Variants in ASIC2 observed in about 807,000 individuals in gnomAD.
ASIC2 encodes acid sensing ion channel subunit 2.
Under a neutral mutation model 57.3 loss-of-function variants are expected in ASIC2, and 25 were observed. The observed-to-expected ratio is 0.44, with a 90% CI of 0.32 to 0.61. The LOEUF (loss-of-function observed/expected upper bound fraction) is 0.61, where lower values mean the gene tolerates loss of function less well. Among genes scored for constraint, ASIC2 ranks in the 20% least tolerant of loss-of-function variants. The pLI is 0.06. For synonymous variants in ASIC2, 319 were observed against 307.5 expected, an observed-to-expected ratio of 1.04 and a Z score of -0.39; for missense variants, 641 against 738.1, an observed-to-expected ratio of 0.87 and a Z score of 1.52.
chr17:34,112,506 T>C (rs940943728), intron 1 of ASIC2, among the ~76,000 whole-genome samples: 1 of 150,818 alleles, frequency 6.6e-6, no homozygotes, highest in Non-Finnish European at 1.5e-5. Context: ...TAAGCATGTG[T>C]ATCACAGGGC....
intron 1 of ASIC2, among the ~76,000 whole-genome samples, chr17:33,729,270 G>A (rs1015002510): frequency 1.3e-5 from 2 of 152,140 alleles, no homozygotes; most frequent in Non-Finnish European, 1.5e-5. Context: ...GAGCAGGAAG[G>A]TGCCACACTT....
At chr17:33,851,310 C>A (rs1175111830) in intron 1 of ASIC2, among the ~76,000 whole-genome samples, 1 of 151,800 alleles carries the variant, frequency 6.6e-6, no homozygotes, top group Non-Finnish European at 1.5e-5. Flanking sequence ...TGAGACCACC[C>A]AAGAGGACAG....
chr17:34,156,715 A>G lies in ASIC2; in HGVS notation c.-183T>C, dbSNP rs1904737876. ...CACGCTGACAGGGGTGAGTGTTTAT[A>G]TAAAACCCATTCAAACTCTAGCTCT... On this transcript the variant is annotated 5_prime_UTR_variant, in exon 1 of 10. Transcript: ENST00000359872. This position sits in a 1 kb window ranked among gnomAD's most constrained non-coding sequence, Gnocchi z 4.4. 1.6e-6 allele frequency: 1 copy of G among 622,104 alleles called. No homozygotes were observed. Among genetic ancestry groups the G allele is most frequent in the African/African-American group, 1.8e-5 (1 of 54,438 alleles). 38.5% of individuals were successfully genotyped at this position (622,104 alleles called of 1,614,324 possible).
At chr17:33,754,181 T>G (rs1260612113) in intron 1 of ASIC2, among the ~76,000 whole-genome samples, 1 of 152,100 alleles carries the variant, frequency 6.6e-6, no homozygotes, top group Non-Finnish European at 1.5e-5. Context: ...TGCATGTCCC[T>G]CCCCTCTTCT....
chr17:34,134,097 C>G (rs1912066101), intron 1 of ASIC2, among the ~76,000 whole-genome samples: 1 of 152,178 alleles, frequency 6.6e-6, no homozygotes, highest in South Asian at 2.1e-4. Flanking sequence ...TTCTCTAATT[C>G]AGAAGCCAGC....
Position 33,113,767 on chromosome 17 carries a change from G to A in ASIC2, c.709-1700C>T, listed in dbSNP as rs2092269774. Among the ~76,000 whole-genome samples, 3 of 152,176 alleles carry A rather than the reference G, an allele frequency of 2.0e-5. No individual in the cohort carries two copies. The South Asian group carries it at 6.2e-4, about 31-fold the overall frequency. ...TGGCAGTTATTGCTTTACCTATTGT[G>A]CGGAGGAGGAAACCAAGGCCCAGAG... On this transcript the variant is annotated intron_variant, in intron 1 of 9. Transcript: ENST00000225823.
chr17:33,043,391 CTT>C (rs1257534181), intron 3 of ASIC2, among the ~76,000 whole-genome samples: 1 of 152,212 alleles, frequency 6.6e-6, no homozygotes, highest in Non-Finnish European at 1.5e-5. Context: ...CTCTAGGAGA[CTT>C]AGCATTTTCA....
chr17:33,925,096 T>C (rs1915796915), intron 1 of ASIC2, among the ~76,000 whole-genome samples: 1 of 152,210 alleles, frequency 6.6e-6, no homozygotes, highest in African/African-American at 2.4e-5. Context: ...TGCTGCAGGG[T>C]TGATGCCTCA....
At chr17:33,809,195 A>C (rs1912350918) in intron 1 of ASIC2, among the ~76,000 whole-genome samples, 1 of 152,050 alleles carries the variant, frequency 6.6e-6, no homozygotes, top group Non-Finnish European at 1.5e-5. Context: ...GCTTTGTCTG[A>C]CTCATTGATC....
intron 1 of ASIC2, among the ~76,000 whole-genome samples, chr17:33,163,891 G>T (rs991986767): frequency 6.6e-6 from 1 of 152,184 alleles, no homozygotes; most frequent in Non-Finnish European, 1.5e-5. Context: ...AGATCTAAAG[G>T]GGGTGAAGGA....
intron 1 of ASIC2, among the ~76,000 whole-genome samples, chr17:34,073,151 T>C (rs1909486811): frequency 6.6e-6 from 1 of 152,202 alleles, no homozygotes; most frequent in Non-Finnish European, 1.5e-5. Context: ...TAAAGAGTCA[T>C]ATTGCAAATA....
intron 1 of ASIC2, among the ~76,000 whole-genome samples, chr17:33,358,611 C>T (rs1452280127): frequency 6.6e-6 from 1 of 152,158 alleles, no homozygotes; most frequent in African/African-American, 2.4e-5. Context: ...GACAATGAAA[C>T]TCATTATTAA....
chr17:33,431,105 AG>A (rs1306217853), intron 1 of ASIC2, among the ~76,000 whole-genome samples: 1 of 152,216 alleles, frequency 6.6e-6, no homozygotes, highest in African/African-American at 2.4e-5. Context: ...TGGAAAGCAC[AG>A]GGGGCAATTT....
At position 33,355,035 on chromosome 17, in the gene ASIC2, G is replaced by T. The variant is rs116679320; in HGVS notation, c.556-242968C>A. 7.7e-3 allele frequency among the ~76,000 whole-genome samples: 1,168 copies of T among 152,298 alleles called. 14 individuals are homozygous for T. Among genetic ancestry groups the T allele is most frequent in the African/African-American group, 0.026 (1,093 of 41,546 alleles). On this transcript the variant is annotated intron_variant, in intron 1 of 9. Transcript: ENST00000359872. The stretch of plus-strand genomic sequence containing the variant: ...GGTTGGAAACAGCAAGTTGTGTTGT[G>T]TCCATGTGTGTAAGTGTGGGTATGT...
At chr17:33,729,607 T>G (rs1181385255) in intron 1 of ASIC2, among the ~76,000 whole-genome samples, 1 of 152,134 alleles carries the variant, frequency 6.6e-6, no homozygotes. Context: ...AGGGCTGAAT[T>G]TGGGGTCACT....
intron 1 of ASIC2, among the ~76,000 whole-genome samples, chr17:34,075,615 G>A (rs558125653): frequency 4.0e-5 from 6 of 151,778 alleles, no homozygotes; most frequent in Non-Finnish European, 7.4e-5. Context: ...ACCACATGAA[G>A]AAGAAGCTAC....
intron 1 of ASIC2, among the ~76,000 whole-genome samples, chr17:34,012,254 T>A (rs1025291162): frequency 6.6e-6 from 1 of 151,916 alleles, no homozygotes; most frequent in Non-Finnish European, 1.5e-5. Flanking sequence ...TCTCGATGCC[T>A]CCAATTGTAA....
At chr17:33,320,968 A>G (rs985825522) in intron 1 of ASIC2, among the ~76,000 whole-genome samples, 1 of 152,182 alleles carries the variant, frequency 6.6e-6, no homozygotes, top group Non-Finnish European at 1.5e-5. Context: ...TTATTTATTC[A>G]TTCTGCATGG....
chr17:33,479,870 C>T (rs1456518071), intron 1 of ASIC2, among the ~76,000 whole-genome samples: 2 of 152,154 alleles, frequency 1.3e-5, no homozygotes, highest in African/African-American at 2.4e-5. Flanking sequence ...TGTGTGCTCC[C>T]GGAACCCTGG....
Sources: allele counts gnomAD v4.1 joint callset (sites outside exome capture counted in the v4.1 genomes callset), GRCh38; gene constraint gnomAD v4.1.1; non-coding constraint Gnocchi (gnomAD v3.1); transcripts MANE v1.5; gene names NCBI Gene and HGNC (gene_info 2026-07-23, HGNC 2026-07-21).